The following ITGA4 variants were observed in gnomAD, a reference collection of about 807,000 sequenced individuals.
ITGA4 encodes the protein integrin subunit alpha 4.
Under a neutral mutation model 133.6 loss-of-function variants are expected in ITGA4, and 63 were observed. The ratio of observed to expected loss-of-function variants is 0.47; its 90% CI spans 0.38 to 0.58. The LOEUF (loss-of-function observed/expected upper bound fraction) is 0.58. ITGA4 is among the 20% of genes least tolerant of loss of function. The pLI, the probability that ITGA4 is intolerant of heterozygous loss-of-function variation, is 0.00. For missense variants in ITGA4, 1,076 were observed against 1,252.7 expected (o/e 0.86, Z 2.13); for synonymous variants, 483 against 438.0 (o/e 1.10, Z -1.28).
rs1029755672 is a variant in ITGA4 at position 181,537,394 on chromosome 2, C to T, written c.*1867C>T. ...CAATTACATATTGGGCTAGATTTTG[C>T]CCAGTTCAAAATAGTATTTGTTATC... On this transcript the variant is annotated 3_prime_UTR_variant, in exon 28 of 28. Coordinates refer to ENST00000397033, the MANE Select transcript of ITGA4 (RefSeq NM_000885.6). 2 of 451,892 alleles carry T rather than the reference C, an allele frequency of 4.4e-6. No homozygotes were observed. The highest frequency in any genetic ancestry group is 8.9e-6 in the Non-Finnish European group (2 of 225,382). 28.0% of individuals were successfully genotyped at this position (451,892 alleles called of 1,614,324 possible). A position where few individuals can be genotyped will look rare whatever the true frequency, so the allele number is the denominator to read the frequency against.
intron 21 of ITGA4, among the ~76,000 whole-genome samples, 198 bp downstream of exon 21, chr2:181,525,489 T>C (rs1030103712): frequency 6.6e-6 from 1 of 152,204 alleles, no homozygotes; most frequent in East Asian, 1.9e-4. Context: ...TCACTGATAC[T>C]ACATCAAACT....
intron 2 of ITGA4, among the ~76,000 whole-genome samples, chr2:181,470,290 C>T (rs1361835844): frequency 6.6e-6 from 1 of 151,816 alleles, no homozygotes; most frequent in East Asian, 1.9e-4. Context: ...GATTTTCTTG[C>T]AATTTTTTTT....
chr2:181,532,736 T>C (rs960511930), intron 25 of ITGA4, among the ~76,000 whole-genome samples: 6 of 152,210 alleles, frequency 3.9e-5, no homozygotes, highest in Non-Finnish European at 7.3e-5. Flanking sequence ...CCTTTGTTGC[T>C]TTCTCTTGCC....
At chr2:181,479,621 C>G (rs1685759591) in intron 5 of ITGA4, 1 of 151,986 alleles carries the variant, frequency 6.6e-6, no homozygotes, top group Non-Finnish European at 1.5e-5. Flanking sequence ...CTAAATTTTC[C>G]TCTGTATAAC....
At chr2:181,478,453 A>C (rs972932504) in intron 4 of ITGA4, among the ~76,000 whole-genome samples, 2 of 152,084 alleles carry the variant, frequency 1.3e-5, no homozygotes, top group Non-Finnish European at 2.9e-5. Flanking sequence ...ACACAGTAAA[A>C]AGAAAGCATG....
intron 7 of ITGA4, among the ~76,000 whole-genome samples, chr2:181,482,118 A>G (rs1440596004): frequency 2.0e-5 from 3 of 152,174 alleles, no homozygotes; most frequent in Non-Finnish European, 4.4e-5. Context: ...GGCAAACAAC[A>G]CTTCCGGTGC....
At chr2:181,493,279 CTTTG>C in intron 10 of ITGA4, 42 bp from the exon 11 acceptor site, 1 of 1,343,452 alleles carries the variant, frequency 7.4e-7, no homozygotes, top group Admixed American at 1.9e-5. Context: ...AAGTTGCATT[CTTTG>C]TATCAAGAAT....
At chr2:181,503,481 A>G (rs1303265635) in intron 15 of ITGA4, among the ~76,000 whole-genome samples, 1 of 151,822 alleles carries the variant, frequency 6.6e-6, no homozygotes, top group Non-Finnish European at 1.5e-5. Context: ...GTCTAATCAT[A>G]ATCAAAAGAG....
Position 181,485,875 on chromosome 2 carries a change from A to C in ITGA4, c.1042-6A>C, listed in dbSNP as rs188654957. 6.3e-7 allele frequency: 1 copy of C among 1,596,272 alleles called. No individual in the cohort carries two copies. The highest frequency in any genetic ancestry group is 2.3e-5 in the East Asian group (1 of 44,314). On this transcript the variant is annotated splice_region_variant and splice_polypyrimidine_tract_variant and intron_variant, in intron 9 of 27. Coordinates refer to ENST00000397033, the MANE Select transcript of ITGA4 (RefSeq NM_000885.6). ...AATGACACGTTTTCTCTCCCTTTCT[A>C]TCTAGGGAGCAGTAATGAATGCAAT...
chr2:181,486,189 A>C, intron 10 of ITGA4, 197 bp downstream of exon 10: 1 of 544,532 alleles, frequency 1.8e-6, no homozygotes, highest in Non-Finnish European at 3.0e-6. Flanking sequence ...ACTGTTAATA[A>C]TGGATGATAT....
intron 17 of ITGA4, among the ~76,000 whole-genome samples, chr2:181,512,604 A>G (rs189920537): frequency 1.3e-5 from 2 of 152,112 alleles, no homozygotes; most frequent in Non-Finnish European, 2.9e-5. Context: ...ATTAAAGAGA[A>G]CCAAGTCCCT....
intron 15 of ITGA4, among the ~76,000 whole-genome samples, chr2:181,506,279 C>T (rs4667312): frequency 0.98 from 148,945 of 152,240 alleles, 72,962 homozygotes; most frequent in Middle Eastern, 1. Context: ...AATTTCTTAG[C>T]TGGCTTATAT....
chr2:181,460,622 G>C (rs1574372055), intron 2 of ITGA4, among the ~76,000 whole-genome samples: 1 of 141,898 alleles, frequency 7.0e-6, no homozygotes. Context: ...GTATAAAATA[G>C]CTTCAGTTGT....
Position 181,530,634 on chromosome 2 carries a change from T to A in ITGA4, c.2649T>A (p.Thr883=). The part of the protein sequence containing the change: ...LKGIVRFLSK[T]DKRLLYCIKA... ...GCATAGTCCGGTTCTTGTCCAAGAC[T>A]GATAAGAGGCTATTGGTAAGTTTCA... The change falls in exon 24 of 28, where the codon ACT becomes ACA. Residue 883 remains threonine (T), a synonymous_variant. Transcript: ENST00000397033. The A allele has an allele frequency of 6.2e-7, 1 of 1,611,214 alleles. No individual in the cohort carries two copies.
At chr2:181,531,624 A>G in intron 24 of ITGA4, 33 bp from the exon 25 acceptor site, 1 of 1,359,440 alleles carries the variant, frequency 7.4e-7, no homozygotes, top group Non-Finnish European at 1.0e-6. Context: ...AATGTTGAAA[A>G]TTTTAATGTA....
chr2:181,526,711 G>T (rs965856806), intron 21 of ITGA4, among the ~76,000 whole-genome samples: 1 of 151,498 alleles, frequency 6.6e-6, no homozygotes, highest in African/African-American at 2.4e-5. Context: ...TCACTTAAGG[G>T]CTGAAAGAGA....
At chr2:181,462,559 A>T (rs1415046493) in intron 2 of ITGA4, among the ~76,000 whole-genome samples, 1 of 152,166 alleles carries the variant, frequency 6.6e-6, no homozygotes, top group Non-Finnish European at 1.5e-5. Context: ...ATTGTAGCTT[A>T]TGAAGCTGAG....
At chr2:181,499,580 C>G (rs1215803346) in intron 15 of ITGA4, among the ~76,000 whole-genome samples, 4 of 152,086 alleles carry the variant, frequency 2.6e-5, no homozygotes, top group Non-Finnish European at 4.4e-5. Context: ...GATACTTATT[C>G]CAAGCAAATG....
chr2:181,534,471 A>T, intron 26 of ITGA4, 101 bp downstream of exon 26: 1 of 764,738 alleles, frequency 1.3e-6, no homozygotes, highest in East Asian at 2.7e-5. Flanking sequence ...GGGAAAGTAG[A>T]GTGTGACCAG....
Sources: gnomAD v4.1 joint callset for allele counts (sites outside exome capture counted in the v4.1 genomes callset) on GRCh38, gnomAD v4.1.1 for gene constraint, MANE v1.5 for transcripts, NCBI Gene and HGNC (gene_info 2026-07-23, HGNC 2026-07-21) for gene names.